The following TET1 variants were observed in gnomAD, a reference collection of about 807,000 sequenced individuals.
TET1 encodes methylcytosine dioxygenase TET1.
Under a neutral mutation model 148.7 loss-of-function variants are expected in TET1, and 13 were observed. The observed-to-expected ratio is 0.09, with a 90% CI of 0.06 to 0.14. TET1 has a LOEUF of 0.14. TET1 is among the 10% of genes least tolerant of loss of function. TET1 has a pLI of 1.00. For missense variants in TET1, 2,182 were observed against 2,553.8 expected (o/e 0.85, Z 3.14); for synonymous variants, 907 against 937.2 (o/e 0.97, Z 0.59).
intron 3 of TET1, among the ~76,000 whole-genome samples, chr10:68,628,913 G>A (rs889331367): frequency 6.6e-5 from 10 of 152,168 alleles, no homozygotes; most frequent in African/African-American, 2.2e-4. Flanking sequence ...TAAAACTGCA[G>A]TCTAATGTTT....
chr10:68,662,543 T>C (rs1443241047), intron 6 of TET1, among the ~76,000 whole-genome samples: 1 of 152,196 alleles, frequency 6.6e-6, no homozygotes, highest in African/African-American at 2.4e-5. Flanking sequence ...TCTTCTATTA[T>C]ACTTTTGTAA....
chr10:68,692,195 G>A lies in TET1; in HGVS notation c.*381G>A, dbSNP rs2055603652. ...ATGATGTAAAATCAAGACACACAGTGTTAACTCTACACAGCTTCTGGTGCT... is the reference window on the plus strand; with the variant it reads ...ATGATGTAAAATCAAGACACACAGTATTAACTCTACACAGCTTCTGGTGCT... On this transcript the variant is annotated 3_prime_UTR_variant, in exon 12 of 12. Transcript: ENST00000373644. The A allele has an allele frequency of 3.8e-6, 1 of 262,188 alleles. No homozygotes were observed. The highest frequency in any genetic ancestry group is 4.8e-5 in the Admixed American group (1 of 21,012). The allele number at this position is 262,188 out of a possible 1,614,324, so 16.2% of individuals were successfully genotyped here. A position where few individuals can be genotyped will look rare whatever the true frequency, so the allele number is the denominator to read the frequency against.
At chr10:68,681,054 G>T (rs1160165239) in intron 8 of TET1, among the ~76,000 whole-genome samples, 1 of 152,146 alleles carries the variant, frequency 6.6e-6, no homozygotes, top group Non-Finnish European at 1.5e-5. Context: ...CCCCTTGCCA[G>T]CAAGAACGTT....
intron 3 of TET1, among the ~76,000 whole-genome samples, chr10:68,642,441 A>G (rs1378708725): frequency 6.6e-6 from 1 of 152,150 alleles, no homozygotes; most frequent in Non-Finnish European, 1.5e-5. Context: ...CTCAAAAAAA[A>G]AAGAAAATAA....
At chr10:68,627,130 G>A (rs965837966) in intron 3 of TET1, among the ~76,000 whole-genome samples, 8 of 152,012 alleles carry the variant, frequency 5.3e-5, no homozygotes, top group East Asian at 1.9e-4. Context: ...GAATTAGGCT[G>A]GGCGCAGTGG....
In TET1 at chr10:68,692,807, A is replaced by C; in HGVS notation, c.*993A>C. 1 of 231,532 alleles carries C rather than the reference A, an allele frequency of 4.3e-6. No individual in the cohort carries two copies. The highest frequency in any genetic ancestry group is 6.2e-5 in the East Asian group (1 of 16,234). 14.3% of individuals were successfully genotyped at this position (231,532 alleles called of 1,614,324 possible). ...CATCCCACCTTTCTCAGTATAATCC[A>C]TGAGAGGTGTTTCCAAAAGGAGATG... On this transcript the variant is annotated 3_prime_UTR_variant, in exon 12 of 12. Coordinates refer to ENST00000373644, the MANE Select transcript of TET1 (RefSeq NM_030625.3).
At chr10:68,624,099 C>CT (rs773374173) in intron 3 of TET1, among the ~76,000 whole-genome samples, 2 of 148,030 alleles carry the variant, frequency 1.4e-5, no homozygotes, top group African/African-American at 2.5e-5. Flanking sequence ...TTCTTTCTTT[C>CT]TTTTCTTTTT....
intron 2 of TET1, among the ~76,000 whole-genome samples, chr10:68,596,989 CATTTT>C (rs921191692): frequency 3.2e-4 from 44 of 138,638 alleles, no homozygotes; most frequent in African/African-American, 1.1e-3. Context: ...AGCCTGATTT[CATTTT>C]ATTTTATTTT....
At chr10:68,621,862 A>T (rs2054376205) in intron 3 of TET1, among the ~76,000 whole-genome samples, 1 of 152,192 alleles carries the variant, frequency 6.6e-6, no homozygotes, top group Non-Finnish European at 1.5e-5. Flanking sequence ...GCCTTGAGGG[A>T]GAAAAAGGGT....
intron 2 of TET1, among the ~76,000 whole-genome samples, chr10:68,594,904 G>A (rs766376479): frequency 6.6e-6 from 1 of 151,336 alleles, no homozygotes; most frequent in African/African-American, 2.4e-5. Context: ...CCTTGAACCC[G>A]GGAGGCGGAG....
Position 68,692,511 on chromosome 10 carries a change from A to G in TET1, c.*697A>G, listed in dbSNP as rs1357832610. On this transcript the variant is annotated 3_prime_UTR_variant, in exon 12 of 12. Transcript: ENST00000373644. ...TTGTCTATTGTTTGTGCATATTTGC[A>G]TACAAGAGAAATCATTTATCCTTGC... 4.3e-6 allele frequency: 1 copy of G among 232,210 alleles called. No individual in the cohort carries two copies. The highest frequency in any genetic ancestry group is 8.5e-6 in the Non-Finnish European group (1 of 117,242). 14.4% of individuals were successfully genotyped at this position (232,210 alleles called of 1,614,324 possible).
chr10:68,681,976 AAAC>A (rs2055440342), intron 9 of TET1, among the ~76,000 whole-genome samples: 1 of 150,748 alleles, frequency 6.6e-6, no homozygotes, highest in Non-Finnish European at 1.5e-5. Context: ...TCAAAAAAAA[AAAC>A]AAAAAAAACC....
At chr10:68,660,633 AT>A (rs34262975) in intron 6 of TET1, among the ~76,000 whole-genome samples, 26,691 of 126,534 alleles carry the variant, frequency 0.21, 2,882 homozygotes, top group African/African-American at 0.35. Context: ...TGCCTGGCCA[AT>A]TTTTTTTTTT....
At position 68,693,457 on chromosome 10, in the gene TET1, T is replaced by C. The variant is rs1369364235; in HGVS notation, c.*1643T>C. 4.3e-6 allele frequency: 1 copy of C among 233,360 alleles called. No individual in the cohort carries two copies. Among genetic ancestry groups the C allele is most frequent in the Non-Finnish European group, 8.5e-6 (1 of 117,908 alleles). The allele number at this position is 233,360 out of a possible 1,614,324, so 14.5% of individuals were successfully genotyped here. On this transcript the variant is annotated 3_prime_UTR_variant, in exon 12 of 12. Coordinates refer to ENST00000373644, the MANE Select transcript of TET1 (RefSeq NM_030625.3). ...AGCAGGCTCTCTAAAGAAAAACTCATTGTAACTTATTAAAATAATATCTGG... is the reference window on the plus strand; with the variant it reads ...AGCAGGCTCTCTAAAGAAAAACTCACTGTAACTTATTAAAATAATATCTGG...
At chr10:68,584,865 G>A (rs2053843518) in intron 2 of TET1, among the ~76,000 whole-genome samples, 1 of 150,962 alleles carries the variant, frequency 6.6e-6, no homozygotes, top group Non-Finnish European at 1.5e-5. Context: ...CTGTTGCCCA[G>A]TCTGGAGTGC....
Position 68,587,456 on chromosome 10 carries a change from C to T in TET1, c.1914+13204C>T, listed in dbSNP as rs142660830. Reference sequence around the variant, plus strand: ...ATTACAGAATTGCAGGGAGATTTGTCTACTGGGCAACACAGAAGTTAAGTT... The same window carrying T: ...ATTACAGAATTGCAGGGAGATTTGTTTACTGGGCAACACAGAAGTTAAGTT... On this transcript the variant is annotated intron_variant, in intron 2 of 11. Transcript: ENST00000373644. Among the ~76,000 whole-genome samples, 555 of 152,226 alleles carry T rather than the reference C, an allele frequency of 3.6e-3. 2 individuals are homozygous for T. The highest frequency in any genetic ancestry group is 0.013 in the African/African-American group (538 of 41,546).
In TET1 at chr10:68,646,423, C is replaced by T. The variant is rs750589536; in HGVS notation, c.3694C>T (p.Pro1232Ser). 6.2e-7 allele frequency: 1 copy of T among 1,614,100 alleles called. No homozygotes were observed. The highest frequency in any genetic ancestry group is 1.7e-5 in the Admixed American group (1 of 60,000). ...PLAQTRSIMQ[P>S]KTVFPPLTQI... ...GGCTCAAACGAGGTCCATTATGCAA[C>T]CCAAAACAGTATTTCCACCACTCAC... The change falls in exon 4 of 12, where the codon CCC becomes TCC. Residue 1232 changes from proline to serine, a missense_variant. Pro to Ser is a moderately conservative substitution (Grantham distance 74, BLOSUM62 -1). Coordinates refer to ENST00000373644, the MANE Select transcript of TET1 (RefSeq NM_030625.3).
chr10:68,649,274 C>T lies in TET1; in HGVS notation c.4276+2269C>T, dbSNP rs1001878694. Among the ~76,000 whole-genome samples, 7 of 152,168 alleles carry T rather than the reference C, an allele frequency of 4.6e-5. No homozygotes were observed. In the South Asian group the frequency reaches 8.3e-4, roughly 18 times the overall value. The stretch of plus-strand genomic sequence containing the variant: ...TCAACTCCAGAACCTATCCTTATAA[C>T]GAACACTCTGGTGCTTAATAAAGGT... On this transcript the variant is annotated intron_variant, in intron 4 of 11. Transcript: ENST00000373644.
intron 2 of TET1, among the ~76,000 whole-genome samples, chr10:68,600,467 A>C (rs1426418806): frequency 2.0e-5 from 3 of 152,186 alleles, no homozygotes; most frequent in Non-Finnish European, 4.4e-5. Context: ...GCCGAGCCGC[A>C]CAGGAGATCC....
Sources: gnomAD v4.1 joint callset for allele counts (sites outside exome capture counted in the v4.1 genomes callset) on GRCh38, gnomAD v4.1.1 for gene constraint, MANE v1.5 for transcripts, NCBI Gene and HGNC (gene_info 2026-07-23, HGNC 2026-07-21) for gene names.